The following KIF13B variants were observed in gnomAD, a reference collection of about 807,000 sequenced individuals.
The protein encoded by KIF13B is kinesin-like protein KIF13B.
Under a neutral mutation model 222.0 loss-of-function variants are expected in KIF13B, and 127 were observed. That is an observed-to-expected ratio of 0.57 (90% CI 0.50 to 0.66). The LOEUF is 0.66. Among genes scored for constraint, KIF13B ranks in the 30% least tolerant of loss-of-function variants. The probability of loss-of-function intolerance (pLI) is 0.00; values close to 1 mark genes in which losing one functional copy is unlikely to be tolerated. For synonymous variants in KIF13B, 976 were observed against 919.0 expected (o/e 1.06, Z -1.12); for missense variants, 2,173 against 2,379.0 (o/e 0.91, Z 1.80).
chr8:29,199,469 TTCTGAAATGGTCCAAAA>T (rs1406346526), intron 2 of KIF13B, among the ~76,000 whole-genome samples: 3 of 151,780 alleles, frequency 2.0e-5, no homozygotes, highest in Admixed American at 1.3e-4. Context: ...TCCAAAATCT[TTCTGAAATGGTCCAAAA>T]TCTGAAACAT....
In KIF13B at chr8:29,075,342, G is replaced by A; in HGVS notation, c.4460C>T (p.Pro1487Leu). ...TGACTGCACCATGATGCGGGGCACG[G>A]GCTGAGGAGGCAAGTGTGCAGGTCA... The part of the protein sequence containing the change: ...GKRPSPLAHQ[P>L]VPRIMVQSAS... Residue 1487 changes from proline to leucine, a missense_variant and splice_region_variant, in exon 38 of 40, where the codon CCC becomes CTC. Around this residue, in one of 2 missense-constraint regions of KIF13B, gnomAD observed 693 missense variants for 656.2 expected, o/e 1.06. Transcript: ENST00000524189. The A allele has an allele frequency of 6.4e-7, 1 of 1,557,432 alleles. No homozygotes were observed. Among genetic ancestry groups the A allele is most frequent in the Non-Finnish European group, 8.7e-7 (1 of 1,150,132 alleles).
intron 2 of KIF13B, among the ~76,000 whole-genome samples, chr8:29,223,832 C>A (rs1353523220): frequency 2.6e-5 from 4 of 152,156 alleles, no homozygotes; most frequent in African/African-American, 9.7e-5. Context: ...GCTGGGACTA[C>A]AGGCACCTGC....
rs1246146756 is a variant in KIF13B at position 29,071,644 on chromosome 8, C to T, written c.5194G>A (p.Gly1732Ser). 5 of 1,554,556 alleles carry T rather than the reference C, an allele frequency of 3.2e-6. No individual in the cohort carries two copies. In the East Asian group the frequency reaches 7.3e-5, roughly 23 times the overall value. The change falls in exon 39 of 40, where the codon GGC becomes AGC. Residue 1732 changes from glycine to serine, a missense_variant. Physicochemically the swap from Gly to Ser is moderately conservative, Grantham distance 56. This residue lies in a region of KIF13B where 693 missense variants were observed against 656.2 expected (regional missense o/e 1.06). Coordinates refer to ENST00000524189, the MANE Select transcript of KIF13B (RefSeq NM_015254.4). This position sits in a 1 kb window ranked among gnomAD's most constrained non-coding sequence, Gnocchi z 4.9. ...CCTGAGGGCAGGTCGAGCTCCACGC[C>T]GACCCACGTGCCCTCTTGGAAGTCG... ...PADFQEGTWV[G>S]VELDLPSGKN...
chr8:29,238,142 T>C (rs1421648250), intron 2 of KIF13B, among the ~76,000 whole-genome samples: 1 of 152,198 alleles, frequency 6.6e-6, no homozygotes, highest in African/African-American at 2.4e-5. Flanking sequence ...CTTCCTTCAA[T>C]TAAAATCGCT....
chr8:29,204,423 T>C (rs1410472459), intron 2 of KIF13B, among the ~76,000 whole-genome samples: 1 of 152,174 alleles, frequency 6.6e-6, no homozygotes, highest in Admixed American at 6.5e-5. Context: ...ATAAGAAAGC[T>C]TAAATCTAGC....
intron 6 of KIF13B, 26 bp from the exon 7 acceptor site, chr8:29,182,032 T>C (rs1812735542): frequency 6.3e-7 from 1 of 1,576,220 alleles, no homozygotes; most frequent in African/African-American, 1.3e-5. Context: ...AAAGAAATGA[T>C]TTTTTAACAA....
At chr8:29,106,632 CAAAAAAAAAA>C (rs71222590) in intron 35 of KIF13B, among the ~76,000 whole-genome samples, 6 of 56,468 alleles carry the variant, frequency 1.1e-4, no homozygotes, top group Non-Finnish European at 1.2e-4. Flanking sequence ...AACTCTGTCT[CAAAAAAAAAA>C]AAAAAAAAAA....
At chr8:29,142,856 T>C (rs183835178) in intron 18 of KIF13B, among the ~76,000 whole-genome samples, 3 of 147,804 alleles carry the variant, frequency 2.0e-5, no homozygotes, top group South Asian at 2.2e-4. Context: ...AATATATACA[T>C]GTGTGTGTGT....
intron 2 of KIF13B, among the ~76,000 whole-genome samples, chr8:29,240,819 TGA>T (rs1029866601): frequency 3.3e-5 from 5 of 152,220 alleles, no homozygotes; most frequent in Non-Finnish European, 5.9e-5. Flanking sequence ...TTACAGTAGA[TGA>T]GAGTTTTTAA....
In KIF13B at chr8:29,070,821, T is replaced by C. The variant is rs1586735043; in HGVS notation, c.5219-55A>G. On this transcript the variant is annotated intron_variant, in intron 39 of 39. Transcript: ENST00000524189. This position sits in a 1 kb window ranked among gnomAD's most constrained non-coding sequence, Gnocchi z 4.1. ...GGCAGCCGAGCTGCAGACGGCCCCC[T>C]GCACCTCCCTTACCTCTGCAGAGGC... is the stretch of plus-strand genomic sequence containing the variant. 2 of 1,550,446 alleles carry C rather than the reference T, an allele frequency of 1.3e-6. No homozygotes were observed. The highest frequency in any genetic ancestry group is 2.4e-5 in the South Asian group (2 of 84,346).
intron 32 of KIF13B, among the ~76,000 whole-genome samples, chr8:29,111,332 T>C (rs1008294825): frequency 4.8e-4 from 73 of 152,378 alleles, no homozygotes; most frequent in African/African-American, 1.7e-3. Flanking sequence ...AAATTGTCTC[T>C]GGCCTGGGCC....
At chr8:29,113,655 AG>A in intron 31 of KIF13B, 100 bp from the exon 32 acceptor site, 1 of 729,172 alleles carries the variant, frequency 1.4e-6, no homozygotes, top group Admixed American at 2.7e-5. Flanking sequence ...TCTAACCAAA[AG>A]AAAACAGAGC....
intron 2 of KIF13B, among the ~76,000 whole-genome samples, chr8:29,226,406 T>G (rs1193734402): frequency 6.6e-6 from 1 of 152,182 alleles, no homozygotes; most frequent in Non-Finnish European, 1.5e-5. Context: ...AAAAGCTTTT[T>G]ACTGGGCGGG....
At position 29,221,398 on chromosome 8, in the gene KIF13B, C is replaced by T. The variant is rs192144099; in HGVS notation, c.149+23948G>A. ...GATTACAGGCATGAGCCACCGCACC[C>T]GACCTGCAGTGAGCTGTGATCGTGC... is the stretch of plus-strand genomic sequence containing the variant. On this transcript the variant is annotated intron_variant, in intron 2 of 39. Coordinates refer to ENST00000524189, the MANE Select transcript of KIF13B (RefSeq NM_015254.4). 2.2e-3 allele frequency among the ~76,000 whole-genome samples: 331 copies of T among 150,700 alleles called. 1 individual carries two copies. Among genetic ancestry groups the T allele is most frequent in the South Asian group, 0.019 (89 of 4,756 alleles).
chr8:29,187,540 G>T (rs565961182), intron 5 of KIF13B, among the ~76,000 whole-genome samples: 5 of 152,006 alleles, frequency 3.3e-5, no homozygotes, highest in Non-Finnish European at 7.4e-5. Flanking sequence ...CAAAATAAAA[G>T]ATTTTCTCCG....
chr8:29,228,472 A>AAAATATATATATATAT, intron 2 of KIF13B, among the ~76,000 whole-genome samples: 2,761 of 116,926 alleles, frequency 0.024, 132 homozygotes, highest in South Asian at 0.035. Flanking sequence ...ATCTTAAAAA[A>AAAATATATATATATAT]ATATATATAT....
At chr8:29,253,837 A>AC (rs1816371626) in intron 1 of KIF13B, among the ~76,000 whole-genome samples, 1 of 150,134 alleles carries the variant, frequency 6.7e-6, no homozygotes, top group East Asian at 1.9e-4. Flanking sequence ...TCAAAAAAAA[A>AC]AAAAAAAAAA....
rs557501941 is a variant in KIF13B, at chr8:29,076,464, C to A, written c.4459-1121G>T. On this transcript the variant is annotated intron_variant, in intron 37 of 39. Coordinates refer to ENST00000524189, the MANE Select transcript of KIF13B (RefSeq NM_015254.4). ...CAGTCCTGGTGCTTTGGCTCTTGTG[C>A]GTCTGGGCACTTGAGGCCTCGATGG... Among the ~76,000 whole-genome samples the A allele has an allele frequency of 1.4e-4, 21 of 152,354 alleles. No individual in the cohort carries two copies. In the East Asian group the frequency reaches 3.9e-3, roughly 28 times the overall value.
chr8:29,244,885 A>C (rs759484463), intron 2 of KIF13B, among the ~76,000 whole-genome samples: 3 of 152,222 alleles, frequency 2.0e-5, no homozygotes, highest in Non-Finnish European at 2.9e-5. Context: ...ATAATCATTA[A>C]ATTAGGTAGG....
Sources: allele counts gnomAD v4.1 joint callset (sites outside exome capture counted in the v4.1 genomes callset), GRCh38; gene constraint gnomAD v4.1.1; regional missense constraint gnomAD v4.1.1; non-coding constraint Gnocchi (gnomAD v3.1); transcripts MANE v1.5; gene names NCBI Gene and HGNC (gene_info 2026-07-23, HGNC 2026-07-21).